Variants in VSTM1 observed in about 807,000 individuals in gnomAD.
The protein encoded by VSTM1 is V-set and transmembrane domain-containing protein 1.
In VSTM1, 27 loss-of-function variants were observed where a neutral mutation model predicts 33.1. That is an observed-to-expected ratio of 0.82 (90% CI 0.60 to 1.12). The LOEUF is 1.12. Ranked by LOEUF, VSTM1 falls within the 50% of genes most tolerant of loss-of-function variation. VSTM1 has a pLI of 0.00. For missense variants in VSTM1, 304 were observed against 288.9 expected (o/e 1.05, Z -0.38); for synonymous variants, 115 against 110.3 (o/e 1.04, Z -0.27).
In VSTM1 at chr19:54,041,917, G is replaced by A. The variant is rs202035279; in HGVS notation, c.552C>T (p.Ala184=). 106 of 1,614,062 alleles carry A rather than the reference G, an allele frequency of 6.6e-5. No individual in the cohort carries two copies. Among genetic ancestry groups the A allele is most frequent in the African/African-American group, 1.3e-4 (10 of 74,994 alleles). The change falls in exon 7 of 9, where the codon GCC becomes GCT. Residue 184 remains alanine, a splice_region_variant and synonymous_variant. Coordinates refer to ENST00000338372, the MANE Select transcript of VSTM1 (RefSeq NM_198481.4). ...CCTTAAACTTCCCCTGTCCCTTACC[G>A]GCAGCCTCCTGCTCCGGAAGTTTGG... The part of the protein sequence containing the change: ...SHSKLPEQEA[A]EADLSNMERV...
rs200415261 is a variant in VSTM1, at chr19:54,041,861, G to A, written c.554-45C>T. ...AAAAAATCAGTTCTCAGCTGCAGAA[G>A]TCAGAACTTAGTCTTTCTATCCGGT... On this transcript the variant is annotated intron_variant, in intron 7 of 8. Coordinates refer to ENST00000338372, the MANE Select transcript of VSTM1 (RefSeq NM_198481.4). 9.3e-6 allele frequency: 15 copies of A among 1,613,858 alleles called. No individual in the cohort carries two copies. The South Asian group carries it at 1.2e-4, about 13-fold the overall frequency.
intron 4 of VSTM1, among the ~76,000 whole-genome samples, chr19:54,043,365 C>G (rs2070414526): frequency 6.6e-6 from 1 of 152,046 alleles, no homozygotes; most frequent in Non-Finnish European, 1.5e-5. Context: ...GTGAACCAAT[C>G]CATTAAAATC....
chr19:54,042,445 G>T, intron 4 of VSTM1, 76 bp from the exon 5 acceptor site: 1 of 1,535,140 alleles, frequency 6.5e-7, no homozygotes, highest in East Asian at 2.4e-5. Context: ...GAAAAGCTAA[G>T]AGAAGCCAGA....
intron 8 of VSTM1, 103 bp from the exon 9 acceptor site, chr19:54,041,183 T>G: frequency 7.7e-7 from 1 of 1,290,806 alleles, no homozygotes; most frequent in African/African-American, 1.6e-5. Flanking sequence ...AAATTTAATT[T>G]AAAACCCAGG....
Position 54,041,960 on chromosome 19 carries a change from G to C in VSTM1, c.516-7C>G. 9 of 1,614,014 alleles carry C rather than the reference G, an allele frequency of 5.6e-6. No homozygotes were observed. Among genetic ancestry groups the C allele is most frequent in the Non-Finnish European group, 7.6e-6 (9 of 1,179,888 alleles). On this transcript the variant is annotated splice_region_variant and splice_polypyrimidine_tract_variant and intron_variant, in intron 6 of 8. Coordinates refer to ENST00000338372, the MANE Select transcript of VSTM1 (RefSeq NM_198481.4). ...AAGTTTGGAATGGCTGGTTCTGAAAGAGAGAGACACACGTGAAAGGATGGG... is the reference window on the plus strand; with the variant it reads ...AAGTTTGGAATGGCTGGTTCTGAAACAGAGAGACACACGTGAAAGGATGGG...
At chr19:54,062,012 C>T (rs1005966263) in intron 1 of VSTM1, among the ~76,000 whole-genome samples, 7 of 151,882 alleles carry the variant, frequency 4.6e-5, no homozygotes, top group African/African-American at 1.7e-4. Flanking sequence ...AAAAATTAGC[C>T]AGGCATGGTG....
intron 1 of VSTM1, among the ~76,000 whole-genome samples, chr19:54,061,521 G>A (rs575253204): frequency 1.5e-4 from 23 of 152,258 alleles, no homozygotes; most frequent in African/African-American, 5.1e-4. Flanking sequence ...GAAGGAAGAC[G>A]GCCATGCGAA....
chr19:54,051,961 A>G (rs1480707689), intron 3 of VSTM1, among the ~76,000 whole-genome samples: 1 of 151,450 alleles, frequency 6.6e-6, no homozygotes, highest in East Asian at 2.0e-4. Flanking sequence ...GGGTTTCACC[A>G]TGTTGGCCAG....
In VSTM1 at chr19:54,058,582, G is replaced by A; in HGVS notation, c.79C>T (p.Pro27Ser). ...GGCCAGGCGTGGAGGGAGGGCTTGG[G>A]CGGTTTCTCTGGAAACAATTCAGAG... ...YEDEKKNEKP[P>S]KPSLHAWPSS... The change falls in exon 3 of 9, where the codon CCC (proline) becomes TCC (serine). Residue 27 changes from proline to serine, a missense_variant. Physicochemically the swap from Pro to Ser is moderately conservative, Grantham distance 74. Coordinates refer to ENST00000338372, the MANE Select transcript of VSTM1 (RefSeq NM_198481.4). 1 of 1,613,592 alleles carries A rather than the reference G, an allele frequency of 6.2e-7. No homozygotes were observed. Among genetic ancestry groups the A allele is most frequent in the East Asian group, 2.2e-5 (1 of 44,872 alleles).
At position 54,040,975 on chromosome 19, in the gene VSTM1, C is replaced by T. The variant is rs1249286039; in HGVS notation, c.697G>A (p.Ala233Thr). The T allele has an allele frequency of 2.5e-6, 4 of 1,610,410 alleles. No individual in the cohort carries two copies. Among genetic ancestry groups the T allele is most frequent in the Non-Finnish European group, 2.5e-6 (3 of 1,178,522 alleles). The change falls in exon 9 of 9, where the codon GCA becomes ACA. Residue 233 changes from alanine (A) to threonine (T), a missense_variant. Physicochemically the swap from Ala to Thr is moderately conservative, Grantham distance 58. Coordinates refer to ENST00000338372, the MANE Select transcript of VSTM1 (RefSeq NM_198481.4). ...QEPPGSHEYA[A>T]LKV ...CTGTCTTCTTGCTACACTTTCAGTG[C>T]CGCATATTCATGAGATCCTGGGGGC... is the stretch of plus-strand genomic sequence containing the variant.
chr19:54,063,732 C>G lies in VSTM1; in HGVS notation c.34+12G>C. ...CAGCCCAAGCCCATTCGTCCCAGTCCTGGAGACTCACCGAGGCAAAGCAGG... is the reference window on the plus strand; with the variant it reads ...CAGCCCAAGCCCATTCGTCCCAGTCGTGGAGACTCACCGAGGCAAAGCAGG... On this transcript the variant is annotated intron_variant, in intron 1 of 8. Coordinates refer to ENST00000338372, the MANE Select transcript of VSTM1 (RefSeq NM_198481.4). The G allele has an allele frequency of 6.2e-7, 1 of 1,613,766 alleles. No individual in the cohort carries two copies. The highest frequency in any genetic ancestry group is 1.7e-5 in the Admixed American group (1 of 59,978).
chr19:54,043,876 T>TGGAGGGGAGA (rs150946464), intron 4 of VSTM1, among the ~76,000 whole-genome samples: 1 of 145,802 alleles, frequency 6.9e-6, no homozygotes, highest in South Asian at 2.1e-4. Flanking sequence ...GTGAGGGCAA[T>TGGAGGGGAGA]GGAGGGGAGA....
intron 3 of VSTM1, chr19:54,052,981 CA>C (rs34017003): frequency 0.065 from 3,309 of 50,738 alleles, 113 homozygotes; most frequent in Non-Finnish European, 0.09. Flanking sequence ...GACCCTGTCT[CA>C]AAAAAAAAAA....
chr19:54,046,492 G>A lies in VSTM1; in HGVS notation c.395-4123C>T, dbSNP rs143701714. Among the ~76,000 whole-genome samples the A allele has an allele frequency of 3.9e-5, 6 of 152,094 alleles. No homozygotes were observed. The East Asian group carries it at 9.6e-4, about 24-fold the overall frequency. ...AGTCTAGAAACTGACTCATTGTGTCGGATAATGGGATTGTAGGTATAATGA... is the reference window on the plus strand; with the variant it reads ...AGTCTAGAAACTGACTCATTGTGTCAGATAATGGGATTGTAGGTATAATGA... On this transcript the variant is annotated intron_variant, in intron 4 of 8. Coordinates refer to ENST00000338372, the MANE Select transcript of VSTM1 (RefSeq NM_198481.4).
rs140900569 is a variant in VSTM1, at chr19:54,051,318, C to CAAAT, written c.394+88_394+91dup. ...AAAAACAAACAAACAAACAAACAAA[C>CAAAT]AAATAAATAAAGTTCTCCTTGTGCA... On this transcript the variant is annotated intron_variant, in intron 4 of 8. Transcript: ENST00000338372. The CAAAT allele has an allele frequency of 4.1e-5, 46 of 1,121,060 alleles. 1 individual carries two copies. In the East Asian group the frequency reaches 4.5e-4, roughly 11 times the overall value. 69.4% of individuals were successfully genotyped at this position (1,121,060 alleles called of 1,614,324 possible).
At chr19:54,062,497 T>C (rs2071441513) in intron 1 of VSTM1, among the ~76,000 whole-genome samples, 1 of 151,444 alleles carries the variant, frequency 6.6e-6, no homozygotes, top group East Asian at 2.0e-4. Flanking sequence ...TTGAAGTGGG[T>C]AGATCACCTG....
At chr19:54,042,839 CATATATATATATATAT>C (rs57596611) in intron 4 of VSTM1, among the ~76,000 whole-genome samples, 28 of 70,732 alleles carry the variant, frequency 4.0e-4, no homozygotes, top group African/African-American at 1.8e-3. Flanking sequence ...TATATATATA[CATATATATATATATAT>C]ACACACTTTT....
intron 1 of VSTM1, 110 bp from the exon 2 acceptor site, chr19:54,058,842 T>TATATAA: frequency 4.0e-6 from 2 of 496,324 alleles, no homozygotes; most frequent in Non-Finnish European, 6.7e-6. Flanking sequence ...TATATATATA[T>TATATAA]AATGTATATA....
At chr19:54,045,690 T>TTATC (rs1233800248) in intron 4 of VSTM1, among the ~76,000 whole-genome samples, 3 of 152,144 alleles carry the variant, frequency 2.0e-5, no homozygotes, top group African/African-American at 7.2e-5. Context: ...TTCTATCTAG[T>TTATC]TATCTATCTA....
Sources: allele counts gnomAD v4.1 joint callset (sites outside exome capture counted in the v4.1 genomes callset), GRCh38; gene constraint gnomAD v4.1.1; transcripts MANE v1.5; gene names NCBI Gene and HGNC (gene_info 2026-07-23, HGNC 2026-07-21).